Variants in VWA5A observed in about 807,000 individuals in gnomAD.
The protein encoded by VWA5A is von Willebrand factor A domain-containing protein 5A.
A neutral mutation model predicts 84.6 loss-of-function variants in VWA5A; 77 were observed. That is an observed-to-expected ratio of 0.91 (90% confidence interval 0.76 to 1.10). The LOEUF is 1.10. VWA5A is among the 50% of genes least tolerant of loss of function. VWA5A has a pLI of 0.00. For synonymous variants in VWA5A, 334 were observed against 350.1 expected, an observed-to-expected ratio of 0.95 and a Z score of 0.51; for missense variants, 973 against 963.0, an observed-to-expected ratio of 1.01 and a Z score of -0.14.
rs1247929008 is a variant in VWA5A, at chr11:124,137,130, G to A, written c.1741G>A (p.Val581Ile). Residue 581 changes from valine (V) to isoleucine (I), a missense_variant, in exon 15 of 19, where the codon GTC becomes ATC. Coordinates refer to ENST00000456829, the MANE Select transcript of VWA5A (RefSeq NM_001130142.2). Reference protein sequence around the residue: ...DALNLSLESGVISSFTAFIAI... With the variant: ...DALNLSLESGIISSFTAFIAI... ...ATTGAACCTTAGCCTTGAGTCTGGT[G>A]TCATAAGCTCCTTCACAGCTTTCAT... 1.2e-6 allele frequency: 2 copies of A among 1,613,812 alleles called. No homozygotes were observed. The highest frequency in any genetic ancestry group is 1.7e-6 in the Non-Finnish European group (2 of 1,180,026).
chr11:124,140,549 G>C (rs561496214), intron 15 of VWA5A, among the ~76,000 whole-genome samples: 1 of 151,904 alleles, frequency 6.6e-6, no homozygotes, highest in Non-Finnish European at 1.5e-5. Flanking sequence ...CTGCAGCCTC[G>C]ATCTCTTGGG....
rs7928099 is a variant in VWA5A, at chr11:124,145,263, C to T, written c.2181C>T (p.Thr727=). The T allele has an allele frequency of 6.4e-4, 1,034 of 1,613,680 alleles. 12 individuals are homozygous for T. In the African/African-American group the frequency reaches 9.2e-3, roughly 14 times the overall value. The change falls in exon 18 of 19, where the codon ACC becomes ACT. Residue 727 remains threonine, a synonymous_variant. Coordinates refer to ENST00000456829, the MANE Select transcript of VWA5A (RefSeq NM_001130142.2). The part of the protein sequence containing the change: ...AELVDSSGWA[T]ILAVIWLHSN... ...TTGTGGATTCCTCAGGCTGGGCCAC[C>T]ATCCTGGCCGTGATCTGGCTGCACA...
In VWA5A at chr11:124,143,740, T is replaced by C. The variant is rs547076426; in HGVS notation, c.2154+1168T>C. Among the ~76,000 whole-genome samples the C allele has an allele frequency of 2.6e-5, 4 of 152,322 alleles. No homozygotes were observed. The East Asian group carries it at 7.7e-4, about 29-fold the overall frequency. The stretch of plus-strand genomic sequence containing the variant: ...ATATTTTTATTGGAAAATGCTGTTC[T>C]AGAAAAGTAATTAAGATGATAATTC... On this transcript the variant is annotated intron_variant, in intron 17 of 18. Coordinates refer to ENST00000456829, the MANE Select transcript of VWA5A (RefSeq NM_001130142.2).
intron 9 of VWA5A, 80 bp from the exon 10 acceptor site, chr11:124,123,580 G>A (rs1864967949): frequency 5.0e-6 from 8 of 1,610,964 alleles, no homozygotes; most frequent in Admixed American, 3.3e-5. Context: ...CTCTTTTAAT[G>A]GGGGTTTCTC....
chr11:124,125,476 G>T (rs1361779645), intron 11 of VWA5A, among the ~76,000 whole-genome samples: 1 of 152,010 alleles, frequency 6.6e-6, no homozygotes, highest in Non-Finnish European at 1.5e-5. Context: ...GTAGAGATGG[G>T]GTTTCACCGT....
intron 11 of VWA5A, among the ~76,000 whole-genome samples, chr11:124,131,442 G>C (rs1865096082): frequency 6.6e-6 from 1 of 151,976 alleles, no homozygotes; most frequent in Non-Finnish European, 1.5e-5. Context: ...TGAAACTATA[G>C]AATGTAAAAC....
At chr11:124,125,040 T>G (rs1864997956) in intron 11 of VWA5A, among the ~76,000 whole-genome samples, 1 of 152,196 alleles carries the variant, frequency 6.6e-6, no homozygotes, top group South Asian at 2.1e-4. Flanking sequence ...AGTTTTGTAT[T>G]CTTGTACATG....
intron 8 of VWA5A, 96 bp from the exon 9 acceptor site, chr11:124,123,270 T>G (rs1591358115): frequency 6.6e-7 from 1 of 1,516,286 alleles, no homozygotes; most frequent in East Asian, 2.3e-5. Flanking sequence ...AGGCACAAGG[T>G]GGGGGATGGC....
intron 4 of VWA5A, 117 bp from the exon 5 acceptor site, chr11:124,118,072 T>A: frequency 7.7e-7 from 1 of 1,297,582 alleles, no homozygotes; most frequent in East Asian, 2.5e-5. Flanking sequence ...GCATTCAGAG[T>A]ATAGCTGTGA....
At position 124,124,249 on chromosome 11, in the gene VWA5A, A is replaced by G; in HGVS notation, c.1177A>G (p.Thr393Ala). The G allele has an allele frequency of 6.2e-7, 1 of 1,613,780 alleles. No individual in the cohort carries two copies. Among genetic ancestry groups the G allele is most frequent in the Non-Finnish European group, 8.5e-7 (1 of 1,179,848 alleles). ...TTTCTTTGTATAGCTTTTTGTCTTT[A>G]CAGATGGAGAAGTTACAGACACGTT... ...PGHPLQLFVFTDGEVTDTFSV... is the reference protein window; with the variant it reads ...PGHPLQLFVFADGEVTDTFSV... Residue 393 changes from threonine (T) to alanine (A), a missense_variant, in exon 11 of 19, where the codon ACA (threonine) becomes GCA (alanine). Coordinates refer to ENST00000456829, the MANE Select transcript of VWA5A (RefSeq NM_001130142.2).
At position 124,134,895 on chromosome 11, in the gene VWA5A, A is replaced by G. The variant is rs755806083; in HGVS notation, c.1245-25A>G. 1.5e-5 allele frequency: 24 copies of G among 1,579,930 alleles called. No individual in the cohort carries two copies. The South Asian group carries it at 2.7e-4, about 18-fold the overall frequency. ...TTTTCACTGTTTAATGCCTTCCTCT[A>G]ACCTCTGTCCTGTTACAATTGCAGG... On this transcript the variant is annotated intron_variant, in intron 11 of 18. Transcript: ENST00000456829.
chr11:124,142,458 C>T lies in VWA5A; in HGVS notation c.2040C>T (p.His680=), dbSNP rs1860747921. ...DQHSPGFGEN[H]LVQLIYHQNA... ...TCCTCAAAGGCTTTGGAGAGAATCA[C>T]CTTGTGCAGCTGATTTACCACCAAA... Residue 680 remains histidine (H), a synonymous_variant, in exon 17 of 19, where the codon CAC becomes CAT. Coordinates refer to ENST00000456829, the MANE Select transcript of VWA5A (RefSeq NM_001130142.2). The T allele has an allele frequency of 6.2e-7, 1 of 1,614,082 alleles. No individual in the cohort carries two copies. The highest frequency in any genetic ancestry group is 8.5e-7 in the Non-Finnish European group (1 of 1,180,048).
At chr11:124,130,341 G>A (rs1311097961) in intron 11 of VWA5A, among the ~76,000 whole-genome samples, 1 of 152,206 alleles carries the variant, frequency 6.6e-6, no homozygotes, top group Non-Finnish European at 1.5e-5. Flanking sequence ...TGGTCTGAGA[G>A]ACAGTTTGTT....
Position 124,136,217 on chromosome 11 carries a change from T to C in VWA5A, c.1448T>C (p.Met483Thr), listed in dbSNP as rs1201824936. 6.2e-7 allele frequency: 1 copy of C among 1,614,212 alleles called. No individual in the cohort carries two copies. ...TTGCCTCCTGGTCTGTCTGCTAAAA[T>C]GCTTTCCCCAGAACAGACTGTCATC... ...WHLPPGLSAK[M>T]LSPEQTVIFR... is the part of the protein sequence containing the mutation. Residue 483 changes from methionine (M) to threonine (T), a missense_variant, in exon 13 of 19, where the codon ATG (methionine) becomes ACG (threonine). Transcript: ENST00000456829.
In VWA5A at chr11:124,117,873, A is replaced by C. The variant is rs1400003862; in HGVS notation, c.244A>C (p.Lys82Gln). The change falls in exon 4 of 19, where the codon AAG becomes CAG. Residue 82 changes from lysine to glutamine, a missense_variant and splice_region_variant. By Grantham distance (53) the Lys-to-Gln change is moderately conservative. Coordinates refer to ENST00000456829, the MANE Select transcript of VWA5A (RefSeq NM_001130142.2). The part of the protein sequence containing the change: ...KIVAELQDKM[K>Q]ARTNYEKAIS... ...TGTAGCAGAATTACAAGACAAGATG[A>C]AGGTAGTAGAGATTACCTCCTCCCT... 3 of 1,614,038 alleles carry C rather than the reference A, an allele frequency of 1.9e-6. No individual in the cohort carries two copies. In the South Asian group the frequency reaches 3.3e-5, roughly 18 times the overall value.
At chr11:124,117,229 T>C (rs902308875) in intron 2 of VWA5A, 9 of 521,056 alleles carry the variant, frequency 1.7e-5, no homozygotes, top group African/African-American at 1.5e-4. Context: ...GAAAGTGGAA[T>C]TGGTATTTGA....
chr11:124,143,249 A>G (rs1214381516), intron 17 of VWA5A, among the ~76,000 whole-genome samples: 5 of 152,252 alleles, frequency 3.3e-5, no homozygotes, highest in African/African-American at 1.2e-4. Flanking sequence ...GATAAATTGC[A>G]TTCCAGAATT....
intron 1 of VWA5A, chr11:124,116,076 C>G (rs544777909): frequency 6.6e-6 from 1 of 152,398 alleles, no homozygotes; most frequent in East Asian, 1.9e-4. Context: ...GTGTGTGTGG[C>G]CGGTGGTGCC....
chr11:124,128,052 A>G (rs1425400629), intron 11 of VWA5A, among the ~76,000 whole-genome samples: 2 of 152,078 alleles, frequency 1.3e-5, no homozygotes, highest in Admixed American at 6.5e-5. Context: ...TTTTGTTGCC[A>G]TTGCTTTTGG....
Sources: gnomAD v4.1 joint callset for allele counts (sites outside exome capture counted in the v4.1 genomes callset) on GRCh38, gnomAD v4.1.1 for gene constraint, MANE v1.5 for transcripts, NCBI Gene and HGNC (gene_info 2026-07-23, HGNC 2026-07-21) for gene names.